FAM13C: variants seen among roughly 807,000 people sequenced by gnomAD.
FAM13C encodes family with sequence similarity 13 member C.
A neutral mutation model predicts 73.2 loss-of-function variants in FAM13C; 37 were observed. The ratio of observed to expected loss-of-function variants is 0.51; its 90% CI spans 0.39 to 0.67. The LOEUF (loss-of-function observed/expected upper bound fraction) is 0.67. Ranked by LOEUF, FAM13C falls within the 30% of genes least tolerant of loss-of-function variation. FAM13C has a pLI of 0.00. For missense variants in FAM13C, 589 were observed against 715.6 expected (o/e 0.82, Z 2.02); for synonymous variants, 246 against 260.9 (o/e 0.94, Z 0.55).
chr10:59,262,397 A>G (rs1191900672), intron 10 of FAM13C, 37 bp downstream of exon 10: 7 of 1,575,416 alleles, frequency 4.4e-6, no homozygotes, highest in Non-Finnish European at 6.1e-6. Flanking sequence ...TGTGTGGACT[A>G]CAGGGGCCCT....
At chr10:59,354,735 C>A (rs541024425) in intron 2 of FAM13C, among the ~76,000 whole-genome samples, 3 of 152,154 alleles carry the variant, frequency 2.0e-5, no homozygotes, top group Non-Finnish European at 4.4e-5. Context: ...TTTTTGGTTT[C>A]TCTGATGCCT....
intron 3 of FAM13C, among the ~76,000 whole-genome samples, chr10:59,335,691 T>G (rs1852626690): frequency 6.6e-6 from 1 of 152,206 alleles, no homozygotes; most frequent in Admixed American, 6.5e-5. Context: ...TCTATCAGCT[T>G]TCTATGGCCT....
intron 1 of FAM13C, among the ~76,000 whole-genome samples, chr10:59,358,914 G>A (rs984726616): frequency 1.1e-4 from 16 of 152,134 alleles, no homozygotes; most frequent in African/African-American, 3.6e-4. Context: ...GCTACCTCCT[G>A]GCTTACATGG....
chr10:59,292,306 G>A lies in FAM13C; in HGVS notation c.508-8859C>T, dbSNP rs1180056819. Among the ~76,000 whole-genome samples, 11 of 152,234 alleles carry A rather than the reference G, an allele frequency of 7.2e-5. No individual in the cohort carries two copies. The East Asian group carries it at 2.1e-3, about 29-fold the overall frequency. On this transcript the variant is annotated intron_variant, in intron 5 of 13. Coordinates refer to ENST00000618804, the MANE Select transcript of FAM13C (RefSeq NM_198215.4). ...GAACATTAATTAAATCCCAAGGGCT[G>A]AACTCCAAAGCTAGTCTGGGTTGTA...
At chr10:59,319,114 CACACAT>C (rs1237973739) in intron 4 of FAM13C, among the ~76,000 whole-genome samples, 2 of 141,488 alleles carry the variant, frequency 1.4e-5, no homozygotes, top group Non-Finnish European at 3.0e-5. Flanking sequence ...CACACACACA[CACACAT>C]TGTCTATCTC....
chr10:59,362,306 G>C lies in FAM13C; in HGVS notation c.62+93C>G, dbSNP rs528506319. ...TTCCGGGAGACAATGCATCTAAAAC[G>C]AACAGCGGCTGGGAACGGTGGAGGA... is the stretch of plus-strand genomic sequence containing the variant. On this transcript the variant is annotated intron_variant, in intron 1 of 13. Transcript: ENST00000618804. 6 of 1,523,720 alleles carry C rather than the reference G, an allele frequency of 3.9e-6. No homozygotes were observed. In the South Asian group the frequency reaches 4.8e-5, roughly 12 times the overall value. 94.4% of individuals were successfully genotyped at this position (1,523,720 alleles called of 1,614,324 possible).
intron 1 of FAM13C, among the ~76,000 whole-genome samples, chr10:59,358,163 G>C (rs1345616128): frequency 6.6e-6 from 1 of 152,148 alleles, no homozygotes; most frequent in East Asian, 1.9e-4. Flanking sequence ...AGGTGGGCCT[G>C]AGTTGGAAGT....
intron 5 of FAM13C, among the ~76,000 whole-genome samples, chr10:59,297,517 C>T (rs926946965): frequency 3.9e-5 from 6 of 152,142 alleles, no homozygotes; most frequent in African/African-American, 1.2e-4. Context: ...TAGGACTCAG[C>T]GACTTCCATC....
At position 59,251,703 on chromosome 10, in the gene FAM13C, AC is replaced by A. The variant is rs1336255316; in HGVS notation, c.1533-28del. The A allele has an allele frequency of 2.0e-6, 3 of 1,501,010 alleles. No homozygotes were observed. The African/African-American group carries it at 4.2e-5, about 21-fold the overall frequency. The allele number at this position is 1,501,010 out of a possible 1,614,324, so 93.0% of individuals were successfully genotyped here. A position where few individuals can be genotyped will look rare whatever the true frequency, so the allele number is the denominator to read the frequency against. ...TATATAAGGTAAAATACTTGTCATTACTGGGCACTGGCATAATTGAGAGATC... is the reference window on the plus strand; with the variant it reads ...TATATAAGGTAAAATACTTGTCATTATGGGCACTGGCATAATTGAGAGATC... On this transcript the variant is annotated intron_variant, in intron 12 of 13. Coordinates refer to ENST00000618804, the MANE Select transcript of FAM13C (RefSeq NM_198215.4).
chr10:59,339,091 G>A (rs899056099), intron 3 of FAM13C, among the ~76,000 whole-genome samples: 9 of 151,844 alleles, frequency 5.9e-5, no homozygotes, highest in East Asian at 1.9e-4. Context: ...TCCAGCCTCC[G>A]CCCCCATCCT....
chr10:59,272,198 A>T (rs973632255), intron 6 of FAM13C, among the ~76,000 whole-genome samples: 4 of 152,212 alleles, frequency 2.6e-5, no homozygotes, highest in African/African-American at 9.6e-5. Context: ...CATGTGGCCC[A>T]ATTAACATCC....
At chr10:59,332,737 T>C (rs1852164215) in intron 3 of FAM13C, among the ~76,000 whole-genome samples, 1 of 152,200 alleles carries the variant, frequency 6.6e-6, no homozygotes, top group Non-Finnish European at 1.5e-5. Flanking sequence ...ATGGAACAAC[T>C]GGAGCAGTGA....
chr10:59,358,969 C>T (rs878900915), intron 1 of FAM13C, among the ~76,000 whole-genome samples: 1 of 152,198 alleles, frequency 6.6e-6, no homozygotes. Flanking sequence ...TCTCATTTAC[C>T]TTGGTAAAGA....
At chr10:59,339,124 GTC>G (rs1589677304) in intron 3 of FAM13C, among the ~76,000 whole-genome samples, 2 of 152,010 alleles carry the variant, frequency 1.3e-5, no homozygotes, top group Admixed American at 1.3e-4. Context: ...TTCCCTGCAT[GTC>G]TCTCTGTGTC....
intron 8 of FAM13C, among the ~76,000 whole-genome samples, chr10:59,266,084 C>T (rs1843030456): frequency 6.6e-6 from 1 of 152,200 alleles, no homozygotes. Context: ...ACCTCAGTTG[C>T]TGTTCTGGCT....
rs774144968 is a variant in FAM13C at position 59,251,660 on chromosome 10, G to A, written c.1549C>T (p.His517Tyr). 5 of 1,610,734 alleles carry A rather than the reference G, an allele frequency of 3.1e-6. No homozygotes were observed. In the African/African-American group the frequency reaches 6.7e-5, roughly 22 times the overall value. The change falls in exon 13 of 14, where the codon CAT becomes TAT. Residue 517 changes from histidine to tyrosine, a missense_variant. Transcript: ENST00000618804. ...HEATMPVLLD[H>Y]LRETRADKKR... ...TTGTCAGCCCTAGTTTCTCGGAGATGGTCAAGAAGTACAGGCCTATATAAG... is the reference window on the plus strand; with the variant it reads ...TTGTCAGCCCTAGTTTCTCGGAGATAGTCAAGAAGTACAGGCCTATATAAG...
chr10:59,343,340 T>C (rs284579), intron 3 of FAM13C, among the ~76,000 whole-genome samples: 37,271 of 152,162 alleles, frequency 0.24, 4,800 homozygotes, highest in African/African-American at 0.29. Context: ...ACCTAATTAA[T>C]ATTCTTTTTC....
rs748868878 is a variant in FAM13C at position 59,262,470 on chromosome 10, C to T, written c.1200G>A (p.Glu400=). ...CCTGGGGAGGAAGTTGCTCTCTTCT[C>T]TCCTTCAGGCATGTCAAGGCAGCAT... ...TPDAALTCLK[E]RREQLPPQED... The change falls in exon 10 of 14, where the codon GAG becomes GAA. Residue 400 remains glutamate (E), a synonymous_variant. Transcript: ENST00000618804. The T allele has an allele frequency of 1.9e-6, 3 of 1,613,708 alleles. No homozygotes were observed. The highest frequency in any genetic ancestry group is 3.3e-5 in the Admixed American group (2 of 59,976).
chr10:59,322,334 T>C (rs1850429359), intron 4 of FAM13C, among the ~76,000 whole-genome samples: 1 of 152,190 alleles, frequency 6.6e-6, no homozygotes, highest in Admixed American at 6.5e-5. Flanking sequence ...GATATGTGAC[T>C]TATCACCAGA....
Sources: allele counts gnomAD v4.1 joint callset (sites outside exome capture counted in the v4.1 genomes callset), GRCh38; gene constraint gnomAD v4.1.1; transcripts MANE v1.5; gene names NCBI Gene and HGNC (gene_info 2026-07-23, HGNC 2026-07-21).